Variants in DOCK3 observed in about 807,000 individuals in gnomAD.
DOCK3 encodes the protein dedicator of cytokinesis protein 3.
In DOCK3, 60 loss-of-function variants were observed where a neutral mutation model predicts 265.6. The ratio of observed to expected loss-of-function variants is 0.23; its 90% confidence interval spans 0.18 to 0.28. The LOEUF is 0.28. Among genes scored for constraint, DOCK3 ranks in the 10% least tolerant of loss-of-function variants. The probability of loss-of-function intolerance (pLI) is 1.00; values close to 1 mark genes in which losing one functional copy is unlikely to be tolerated. For missense variants in DOCK3, 1,981 were observed against 2,594.3 expected (o/e 0.76, Z 5.14); for synonymous variants, 881 against 938.0 (o/e 0.94, Z 1.11).
chr3:51,213,081 C>T (rs1438791841), intron 13 of DOCK3, among the ~76,000 whole-genome samples: 1 of 152,036 alleles, frequency 6.6e-6, no homozygotes, highest in Non-Finnish European at 1.5e-5. Flanking sequence ...CTCCTCCCTC[C>T]CCATTCCTAG....
At chr3:50,804,343 T>C (rs543469097) in intron 2 of DOCK3, among the ~76,000 whole-genome samples, 51 of 152,114 alleles carry the variant, frequency 3.4e-4, no homozygotes, top group Middle Eastern at 3.4e-3. Context: ...GGGTGGCGGC[T>C]GGGCAGAGGC....
chr3:50,941,123 G>A (rs1404745526), intron 5 of DOCK3, among the ~76,000 whole-genome samples: 1 of 152,046 alleles, frequency 6.6e-6, no homozygotes, highest in Non-Finnish European at 1.5e-5. Flanking sequence ...CTGTTAAAAG[G>A]ATGAAAAGGT....
At chr3:51,081,863 T>G (rs1000661131) in intron 7 of DOCK3, among the ~76,000 whole-genome samples, 9 of 142,796 alleles carry the variant, frequency 6.3e-5, no homozygotes, top group Non-Finnish European at 1.4e-4. Context: ...GCCACTGGAA[T>G]CTAGCCTGGG....
chr3:51,254,316 T>A (rs952699190), intron 22 of DOCK3, among the ~76,000 whole-genome samples: 1 of 152,220 alleles, frequency 6.6e-6, no homozygotes, highest in Non-Finnish European at 1.5e-5. Context: ...ATAAGTGCAA[T>A]GTGGTGCTGA....
intron 5 of DOCK3, among the ~76,000 whole-genome samples, chr3:51,061,585 A>T (rs1429233605): frequency 6.6e-6 from 1 of 151,998 alleles, no homozygotes; most frequent in African/African-American, 2.4e-5. Context: ...GGGGGGAGGG[A>T]TAGCATTTGG....
intron 5 of DOCK3, among the ~76,000 whole-genome samples, chr3:51,008,000 T>C (rs2078758199): frequency 6.6e-6 from 1 of 152,224 alleles, no homozygotes; most frequent in Non-Finnish European, 1.5e-5. Context: ...CTGGTACCAG[T>C]ATCATGTTGT....
chr3:50,807,672 A>G (rs916220791), intron 2 of DOCK3, among the ~76,000 whole-genome samples: 3 of 152,244 alleles, frequency 2.0e-5, no homozygotes, highest in African/African-American at 7.2e-5. Context: ...ATATGATTTT[A>G]TGTGTAAAAT....
At chr3:50,976,811 A>G (rs2077468461) in intron 5 of DOCK3, among the ~76,000 whole-genome samples, 1 of 149,706 alleles carries the variant, frequency 6.7e-6, no homozygotes, top group Admixed American at 6.7e-5. Context: ...GACTTGCTTT[A>G]TGAATCTGGG....
intron 10 of DOCK3, among the ~76,000 whole-genome samples, chr3:51,157,408 G>A (rs577447005): frequency 6.6e-6 from 1 of 151,998 alleles, no homozygotes; most frequent in East Asian, 2.0e-4. Context: ...GCCACACCCT[G>A]CTAATTTTTG....
intron 5 of DOCK3, among the ~76,000 whole-genome samples, chr3:50,951,367 TA>T (rs2076587527): frequency 6.6e-6 from 1 of 152,240 alleles, no homozygotes; most frequent in Non-Finnish European, 1.5e-5. Flanking sequence ...ACTGTATTAC[TA>T]TGTTGATTAA....
At chr3:50,781,410 T>C (rs1288396173) in intron 2 of DOCK3, among the ~76,000 whole-genome samples, 9 of 151,264 alleles carry the variant, frequency 5.9e-5, no homozygotes. Context: ...GGACTACAGG[T>C]GCACAACATC....
At chr3:51,074,790 TGTAACAAACCTGCACATCCTGC>T (rs1277908124) in intron 6 of DOCK3, among the ~76,000 whole-genome samples, 6 of 152,054 alleles carry the variant, frequency 3.9e-5, no homozygotes, top group Non-Finnish European at 8.8e-5. Flanking sequence ...CGTTCACCTG[TGTAACAAACCTGCACATCCTGC>T]GTAACAAACC....
intron 5 of DOCK3, among the ~76,000 whole-genome samples, chr3:50,970,696 G>A (rs1439245871): frequency 7.3e-6 from 1 of 137,810 alleles, no homozygotes; most frequent in African/African-American, 2.6e-5. Context: ...CTTTGTGTTG[G>A]TTTTCAACTT....
intron 4 of DOCK3, among the ~76,000 whole-genome samples, chr3:50,897,066 T>A (rs563117637): frequency 6.6e-6 from 1 of 152,312 alleles, no homozygotes; most frequent in African/African-American, 2.4e-5. Flanking sequence ...CTCTATAAAT[T>A]ACTTTGGGCA....
At chr3:50,748,192 A>T (rs1312247747) in intron 1 of DOCK3, among the ~76,000 whole-genome samples, 1 of 152,114 alleles carries the variant, frequency 6.6e-6, no homozygotes, top group East Asian at 1.9e-4. Flanking sequence ...TTTTCTTTAG[A>T]GATGGGGTCT....
chr3:51,146,810 TAC>T (rs1449422829), intron 10 of DOCK3, among the ~76,000 whole-genome samples, 180 bp downstream of exon 10: 1 of 152,212 alleles, frequency 6.6e-6, no homozygotes, highest in African/African-American at 2.4e-5. Flanking sequence ...TGAAATTATA[TAC>T]AGTTTTAAAC....
chr3:51,147,099 T>C (rs2085332512), intron 10 of DOCK3, among the ~76,000 whole-genome samples: 1 of 151,322 alleles, frequency 6.6e-6, no homozygotes, highest in Non-Finnish European at 1.5e-5. Context: ...GGTGAAAAAG[T>C]GAGACCAGAC....
At chr3:51,006,281 C>G (rs1350629133) in intron 5 of DOCK3, among the ~76,000 whole-genome samples, 1 of 132,104 alleles carries the variant, frequency 7.6e-6, no homozygotes, top group Admixed American at 7.5e-5. Context: ...CACTTATCAC[C>G]TCTAAGTCAT....
chr3:51,011,575 T>G (rs2078951919), intron 5 of DOCK3, among the ~76,000 whole-genome samples: 1 of 152,228 alleles, frequency 6.6e-6, no homozygotes, highest in African/African-American at 2.4e-5. Context: ...TTGAACTTCC[T>G]CCTTTAGCTC....
Sources: allele counts gnomAD v4.1 joint callset (sites outside exome capture counted in the v4.1 genomes callset), GRCh38; gene constraint gnomAD v4.1.1; transcripts MANE v1.5; gene names NCBI Gene and HGNC (gene_info 2026-07-23, HGNC 2026-07-21).